The following KPNA5 variants were observed in gnomAD, a reference collection of about 807,000 sequenced individuals.
KPNA5 encodes karyopherin subunit alpha 5.
Under a neutral mutation model 71.3 loss-of-function variants are expected in KPNA5, and 46 were observed. That is an observed-to-expected ratio of 0.65 (90% confidence interval 0.51 to 0.83). The LOEUF (loss-of-function observed/expected upper bound fraction) is 0.83, where lower values mean the gene tolerates loss of function less well. Ranked by LOEUF, KPNA5 falls within the 40% of genes least tolerant of loss-of-function variation. The pLI, the probability that KPNA5 is intolerant of heterozygous loss-of-function variation, is 0.00. For missense variants in KPNA5, 547 were observed against 628.3 expected (o/e 0.87, Z 1.38); for synonymous variants, 207 against 201.4 (o/e 1.03, Z -0.24).
chr6:116,712,078 A>T (rs778781608), intron 7 of KPNA5, among the ~76,000 whole-genome samples: 1 of 152,124 alleles, frequency 6.6e-6, no homozygotes, highest in Non-Finnish European at 1.5e-5. Flanking sequence ...AATAGCAGGG[A>T]CCACAGACAC....
chr6:116,722,220 A>AT lies in KPNA5; in HGVS notation c.852dup (p.Gly285TrpfsTer4). On this transcript the variant is annotated frameshift_variant, in exon 9 of 14. Coordinates refer to ENST00000368564, the MANE Select transcript of KPNA5 (RefSeq NM_001366306.2). LOFTEE classifies it high-confidence loss of function. The stretch of plus-strand genomic sequence containing the variant: ...TGTTGGGCCCTTTCTTATCTCTCCG[A>AT]TGGACCCAATGATAAAATTCAAGCA... 6.2e-7 allele frequency: 1 copy of AT among 1,613,282 alleles called. No individual in the cohort carries two copies. Among genetic ancestry groups the AT allele is most frequent in the Non-Finnish European group, 8.5e-7 (1 of 1,179,510 alleles).
intron 4 of KPNA5, among the ~76,000 whole-genome samples, chr6:116,697,214 T>C (rs1778061336): frequency 6.6e-6 from 1 of 152,084 alleles, no homozygotes; most frequent in African/African-American, 2.4e-5. Context: ...TTTTTTAAGA[T>C]GGAAGGTAAA....
chr6:116,691,830 G>A (rs1196258847), intron 2 of KPNA5, among the ~76,000 whole-genome samples: 1 of 152,186 alleles, frequency 6.6e-6, no homozygotes, highest in Non-Finnish European at 1.5e-5. Context: ...GATTGAAAGT[G>A]ACGTGAAGTA....
At position 116,732,121 on chromosome 6, in the gene KPNA5, T is replaced by TATATAC. The variant is rs1554258587; in HGVS notation, c.1433-14_1433-13insTATACA. 9.1e-6 allele frequency: 5 copies of TATATAC among 550,838 alleles called. No individual in the cohort carries two copies. Among genetic ancestry groups the TATATAC allele is most frequent in the East Asian group, 9.9e-5 (2 of 20,150 alleles). The allele number at this position is 550,838 out of a possible 1,614,324, so 34.1% of individuals were successfully genotyped here. A position where few individuals can be genotyped will look rare whatever the true frequency, so the allele number is the denominator to read the frequency against. ...ATATATATATATATATATATATATA[T>TATATAC]ACTTTGTATAACAGGTCTGGATAAA... On this transcript the variant is annotated splice_polypyrimidine_tract_variant and intron_variant, in intron 13 of 13. Coordinates refer to ENST00000368564, the MANE Select transcript of KPNA5 (RefSeq NM_001366306.2).
At chr6:116,713,673 T>G (rs1778784835) in intron 7 of KPNA5, among the ~76,000 whole-genome samples, 1 of 152,218 alleles carries the variant, frequency 6.6e-6, no homozygotes, top group Non-Finnish European at 1.5e-5. Context: ...CATATATTGG[T>G]ATGCTTGATG....
intron 1 of KPNA5, among the ~76,000 whole-genome samples, chr6:116,684,404 A>C (rs564457033): frequency 1.8e-4 from 28 of 152,268 alleles, no homozygotes; most frequent in African/African-American, 6.5e-4. Flanking sequence ...TTTACCAGTG[A>C]CATAATTACC....
chr6:116,714,822 C>T (rs1425140279), intron 7 of KPNA5, among the ~76,000 whole-genome samples: 3 of 152,158 alleles, frequency 2.0e-5, no homozygotes, highest in African/African-American at 7.2e-5. Flanking sequence ...ATCAGTTTTT[C>T]AGGGAACCTC....
intron 13 of KPNA5, among the ~76,000 whole-genome samples, chr6:116,730,771 A>G (rs9400957): frequency 0.17 from 26,334 of 151,938 alleles, 2,445 homozygotes; most frequent in East Asian, 0.3. Flanking sequence ...TTTATTTCCT[A>G]TAGATAGTAG....
intron 4 of KPNA5, among the ~76,000 whole-genome samples, chr6:116,697,584 A>T (rs1388577463): frequency 3.3e-5 from 5 of 152,170 alleles, no homozygotes; most frequent in African/African-American, 9.6e-5. Context: ...TTGCTTATTC[A>T]TCCTACTCAT....
intron 12 of KPNA5, among the ~76,000 whole-genome samples, chr6:116,728,741 T>A (rs1779369638): frequency 6.6e-6 from 1 of 152,078 alleles, no homozygotes; most frequent in Admixed American, 6.6e-5. Flanking sequence ...TTCCCATTTT[T>A]AAGATGGGGA....
chr6:116,723,104 A>C (rs1458926383), intron 9 of KPNA5, among the ~76,000 whole-genome samples: 1 of 152,200 alleles, frequency 6.6e-6, no homozygotes, highest in Non-Finnish European at 1.5e-5. Flanking sequence ...GAGCCAGCAC[A>C]TCATGGGGTA....
chr6:116,713,325 G>C (rs962490217), intron 7 of KPNA5, among the ~76,000 whole-genome samples: 29 of 152,110 alleles, frequency 1.9e-4, no homozygotes, highest in Non-Finnish European at 4.1e-4. Context: ...TGTTTGGAAG[G>C]ATTGTTTTGC....
intron 7 of KPNA5, among the ~76,000 whole-genome samples, chr6:116,713,692 C>T (rs1404985602): frequency 3.3e-5 from 5 of 152,096 alleles, no homozygotes; most frequent in Non-Finnish European, 7.4e-5. Flanking sequence ...TGGTATTTTA[C>T]AGCTTTCTTA....
Position 116,732,403 on chromosome 6 carries a change from G to GC in KPNA5, c.*80_*81insC. 1 of 771,368 alleles carries GC rather than the reference G, an allele frequency of 1.3e-6. No individual in the cohort carries two copies. Among genetic ancestry groups the GC allele is most frequent in the Non-Finnish European group, 1.9e-6 (1 of 523,224 alleles). The allele number at this position is 771,368 out of a possible 1,614,324, so 47.8% of individuals were successfully genotyped here. A position where few individuals can be genotyped will look rare whatever the true frequency, so the allele number is the denominator to read the frequency against. On this transcript the variant is annotated 3_prime_UTR_variant, in exon 14 of 14. Coordinates refer to ENST00000368564, the MANE Select transcript of KPNA5 (RefSeq NM_001366306.2). ...CTTTGTTGCCAATGTAAGAATGTTT[G>GC]TTTTTTTACATAGAACAGTAAAGAG... is the stretch of plus-strand genomic sequence containing the variant.
intron 12 of KPNA5, 148 bp downstream of exon 12, chr6:116,726,770 C>CGTA (rs1562455422): frequency 1.4e-6 from 1 of 720,344 alleles, no homozygotes; most frequent in East Asian, 3.1e-5. Flanking sequence ...ATCAGTTACT[C>CGTA]ATTCACAATT....
intron 6 of KPNA5, among the ~76,000 whole-genome samples, chr6:116,704,722 G>A (rs1052418777): frequency 6.6e-6 from 1 of 151,802 alleles, no homozygotes; most frequent in Non-Finnish European, 1.5e-5. Context: ...TGACAGGTGC[G>A]TGCCACCACA....
intron 7 of KPNA5, among the ~76,000 whole-genome samples, chr6:116,711,049 C>T (rs1778656362): frequency 6.6e-6 from 1 of 151,126 alleles, no homozygotes; most frequent in Non-Finnish European, 1.5e-5. Context: ...TGCATGCCAC[C>T]ATGCCTGGCT....
chr6:116,718,293 C>T (rs1300696507), intron 8 of KPNA5, among the ~76,000 whole-genome samples: 20 of 140,284 alleles, frequency 1.4e-4, no homozygotes, highest in Non-Finnish European at 2.6e-4. Flanking sequence ...GATGGAGTCT[C>T]GCTCTGTCAC....
Position 116,733,055 on chromosome 6 carries a change from A to T in KPNA5, c.*732A>T, listed in dbSNP as rs115164282. ...TTTCTGTTTTTAACATATAAGTGCT[A>T]TGTATATTAGTATATTTTGTATTTC... On this transcript the variant is annotated 3_prime_UTR_variant, in exon 14 of 14. Transcript: ENST00000368564. 1 of 151,868 alleles carries T rather than the reference A, an allele frequency of 6.6e-6. No homozygotes were observed. The highest frequency in any genetic ancestry group is 1.5e-5 in the Non-Finnish European group (1 of 67,804). 9.4% of individuals were successfully genotyped at this position (151,868 alleles called of 1,614,324 possible).
Sources: allele counts gnomAD v4.1 joint callset (sites outside exome capture counted in the v4.1 genomes callset), GRCh38; gene constraint gnomAD v4.1.1; transcripts MANE v1.5; gene names NCBI Gene and HGNC (gene_info 2026-07-23, HGNC 2026-07-21).